The following LIX1 variants were observed in gnomAD, a reference collection of about 807,000 sequenced individuals.
The protein encoded by LIX1 is limb and CNS expressed 1, also known as protein limb expression 1 homolog.
In LIX1, 24 loss-of-function variants were observed where a neutral mutation model predicts 33.4. The observed-to-expected ratio is 0.72, with a 90% confidence interval of 0.52 to 1.01. The LOEUF (loss-of-function observed/expected upper bound fraction) is 1.01, where lower values mean the gene tolerates loss of function less well. Among genes scored for constraint, LIX1 ranks in the 50% least tolerant of loss-of-function variants. The pLI, the probability that LIX1 is intolerant of heterozygous loss-of-function variation, is 0.00. For synonymous variants in LIX1, 124 were observed against 124.0 expected, an observed-to-expected ratio of 1.00 and a Z score of 0.00; for missense variants, 311 against 339.2, an observed-to-expected ratio of 0.92 and a Z score of 0.65.
intron 1 of LIX1, among the ~76,000 whole-genome samples, chr5:97,138,606 C>T (rs1360074299): frequency 6.6e-6 from 1 of 152,226 alleles, no homozygotes; most frequent in Non-Finnish European, 1.5e-5. Flanking sequence ...CTGCCTCCCC[C>T]AGCACATGGT....
At chr5:97,112,847 T>C (rs1747477599) in intron 2 of LIX1, among the ~76,000 whole-genome samples, 1 of 150,122 alleles carries the variant, frequency 6.7e-6, no homozygotes, top group South Asian at 2.1e-4. Context: ...TCAGGAAAGC[T>C]ATTCAAAGGC....
intron 3 of LIX1, 116 bp from the exon 4 acceptor site, chr5:97,105,401 A>T: frequency 1.4e-6 from 1 of 728,406 alleles, no homozygotes; most frequent in Non-Finnish European, 2.3e-6. Context: ...ACCTGAACAG[A>T]TGTTCACAAC....
intron 4 of LIX1, among the ~76,000 whole-genome samples, chr5:97,099,722 A>C (rs1746585488): frequency 6.6e-6 from 1 of 152,134 alleles, no homozygotes; most frequent in Non-Finnish European, 1.5e-5. Context: ...CTGTAATCCC[A>C]GCTACTCGGG....
intron 2 of LIX1, among the ~76,000 whole-genome samples, chr5:97,107,822 A>G (rs886111465): frequency 5.9e-5 from 9 of 152,216 alleles, no homozygotes; most frequent in African/African-American, 2.2e-4. Flanking sequence ...TAGATAATTT[A>G]TATTCATTAT....
intron 1 of LIX1, among the ~76,000 whole-genome samples, chr5:97,136,476 C>T (rs188382571): frequency 3.5e-4 from 54 of 152,302 alleles, no homozygotes; most frequent in Admixed American, 1.6e-3. Flanking sequence ...TCTGATTGTG[C>T]ACTGCTAGGT....
intron 1 of LIX1, 21 bp downstream of exon 1, chr5:97,142,474 T>A (rs776374785): frequency 2.5e-6 from 4 of 1,592,244 alleles, no homozygotes; most frequent in Admixed American, 3.3e-5. Context: ...GTCAAAAAAC[T>A]TTTCCCCCTT....
chr5:97,099,367 G>A (rs966113453), intron 4 of LIX1, among the ~76,000 whole-genome samples: 3 of 152,138 alleles, frequency 2.0e-5, no homozygotes, highest in African/African-American at 4.8e-5. Flanking sequence ...CCAACTCACC[G>A]AATACTTTGA....
chr5:97,131,191 C>A (rs1748049258), intron 1 of LIX1, among the ~76,000 whole-genome samples: 1 of 152,176 alleles, frequency 6.6e-6, no homozygotes, highest in Non-Finnish European at 1.5e-5. Flanking sequence ...GCAGAAATTC[C>A]TGATTAGCTT....
chr5:97,140,142 T>C (rs558673277), intron 1 of LIX1, among the ~76,000 whole-genome samples: 1 of 152,324 alleles, frequency 6.6e-6, no homozygotes, highest in Non-Finnish European at 1.5e-5. Context: ...CTGGATTATG[T>C]ATAACCAAAG....
At chr5:97,106,162 A>C (rs1159917063) in intron 3 of LIX1, among the ~76,000 whole-genome samples, 1 of 152,250 alleles carries the variant, frequency 6.6e-6, no homozygotes, top group Non-Finnish European at 1.5e-5. Flanking sequence ...ATGATAAATT[A>C]CTTTTACACT....
At chr5:97,105,837 A>G (rs1261970738) in intron 3 of LIX1, among the ~76,000 whole-genome samples, 6 of 152,200 alleles carry the variant, frequency 3.9e-5, no homozygotes, top group Non-Finnish European at 2.9e-5. Context: ...GGTGATGGGT[A>G]GAAATGAAAT....
At position 97,142,533 on chromosome 5, in the gene LIX1, A is replaced by G. The variant is rs993021299; in HGVS notation, c.44T>C (p.Val15Ala). The G allele has an allele frequency of 6.2e-7, 1 of 1,614,108 alleles. No individual in the cohort carries two copies. The highest frequency in any genetic ancestry group is 8.5e-7 in the Non-Finnish European group (1 of 1,179,948). ...LESLRHIIAQ[V>A]LPHRDPALVF... is the part of the protein sequence containing the mutation. ...TAGAGCCGGATCTCTGTGAGGCAAG[A>G]CTTGGGCAATGATGTGTCTCAGAGA... The change falls in exon 1 of 6, where the codon GTC becomes GCC. Residue 15 changes from valine (V) to alanine (A), a missense_variant. Physicochemically the swap from Val to Ala is moderately conservative, Grantham distance 64 (BLOSUM62 0). Transcript: ENST00000274382.
At chr5:97,116,692 T>C (rs933447399) in intron 2 of LIX1, among the ~76,000 whole-genome samples, 4 of 152,102 alleles carry the variant, frequency 2.6e-5, no homozygotes, top group Non-Finnish European at 4.4e-5. Context: ...CTTTTTTCTT[T>C]TATTCTTTTT....
Position 97,094,868 on chromosome 5 carries a change from C to A in LIX1, c.729G>T (p.Arg243=). The A allele has an allele frequency of 6.2e-7, 1 of 1,614,178 alleles. No homozygotes were observed. The highest frequency in any genetic ancestry group is 8.5e-7 in the Non-Finnish European group (1 of 1,180,030). ...EEARKAGQEL[R]FYKEKKEILS... ...ATATTTCTTTCTTTTCTTTGTAAAA[C>A]CGTAGTTCTTGTCCTGCTTTCCTGG... is the stretch of plus-strand genomic sequence containing the variant. Residue 243 remains arginine, a synonymous_variant, in exon 6 of 6, where the codon CGG becomes CGT. Coordinates refer to ENST00000274382, the MANE Select transcript of LIX1 (RefSeq NM_153234.5).
chr5:97,119,443 G>A (rs540811461), intron 2 of LIX1, among the ~76,000 whole-genome samples: 4 of 152,162 alleles, frequency 2.6e-5, no homozygotes, highest in Non-Finnish European at 5.9e-5. Flanking sequence ...TAAGCACATT[G>A]CTTTAGGAGA....
chr5:97,111,657 AAAC>A (rs1184236339), intron 2 of LIX1, among the ~76,000 whole-genome samples: 5 of 152,350 alleles, frequency 3.3e-5, no homozygotes, highest in Admixed American at 6.5e-5. Flanking sequence ...CACTCTTCAG[AAAC>A]AACTTCTATC....
rs1398170175 is a variant in LIX1 at position 97,094,027 on chromosome 5, A to G, written c.*721T>C. ...AAAATTGATTGCAAGACTCATAAAC[A>G]TTGGATATTAATTCTTGAGGAATAA... On this transcript the variant is annotated 3_prime_UTR_variant, in exon 6 of 6. Transcript: ENST00000274382. 6.6e-6 allele frequency: 1 copy of G among 152,368 alleles called. No homozygotes were observed. Among genetic ancestry groups the G allele is most frequent in the Non-Finnish European group, 1.5e-5 (1 of 68,044 alleles). 9.4% of individuals were successfully genotyped at this position (152,368 alleles called of 1,614,324 possible). A position where few individuals can be genotyped will look rare whatever the true frequency, so the allele number is the denominator to read the frequency against.
At chr5:97,137,216 C>G in intron 1 of LIX1, 3 of 401,524 alleles carry the variant, frequency 7.5e-6, no homozygotes, top group Non-Finnish European at 1.5e-5. Context: ...CAGCAACCAC[C>G]ACCAAAGACC....
rs764190384 is a variant in LIX1, at chr5:97,107,424, G to A, written c.323C>T (p.Pro108Leu). 6.2e-7 allele frequency: 1 copy of A among 1,613,060 alleles called. No individual in the cohort carries two copies. The highest frequency in any genetic ancestry group is 8.5e-7 in the Non-Finnish European group (1 of 1,179,978). ...ALINSLFNEL[P>L]SRRITKEFIM... ...GAATTCCTTGGTGATCCTGCGAGAG[G>A]GCAGCTCATTGAAGAGGGAGTTGAT... Residue 108 changes from proline (P) to leucine (L), a missense_variant, in exon 3 of 6, where the codon CCC becomes CTC. Transcript: ENST00000274382.
Sources: gnomAD v4.1 joint callset for allele counts (sites outside exome capture counted in the v4.1 genomes callset) on GRCh38, gnomAD v4.1.1 for gene constraint, MANE v1.5 for transcripts, NCBI Gene and HGNC (gene_info 2026-07-23, HGNC 2026-07-21) for gene names.